The following CUL5 variants were observed in gnomAD, a reference collection of about 807,000 sequenced individuals.
CUL5 encodes cullin-5.
CUL5 carries 26 observed loss-of-function variants against 108.8 expected under a neutral mutation model. That is an observed-to-expected ratio of 0.24 (90% CI 0.18 to 0.33). The LOEUF (loss-of-function observed/expected upper bound fraction) is 0.33. Among genes scored for constraint, CUL5 ranks in the 10% least tolerant of loss-of-function variants. The pLI is 1.00. For missense variants in CUL5, 524 were observed against 909.2 expected (o/e 0.58, Z 5.45); for synonymous variants, 334 against 298.0 (o/e 1.12, Z -1.25).
rs370976806 is a variant in CUL5 at position 108,091,380 on chromosome 11, T to A, written c.1443+1757T>A. On this transcript the variant is annotated intron_variant, in intron 13 of 18. Coordinates refer to ENST00000393094, the MANE Select transcript of CUL5 (RefSeq NM_003478.6). ...TTATTTCTTTGTTAAAAAAAAAATA[T>A]CAAGACCCAACAGTAAAATGACAAA... Among the ~76,000 whole-genome samples, 307 of 149,736 alleles carry A rather than the reference T, an allele frequency of 2.1e-3. 1 individual carries two copies. The highest frequency in any genetic ancestry group is 7.2e-3 in the African/African-American group (296 of 41,020).
At chr11:108,079,158 C>T (rs1864008302) in intron 11 of CUL5, among the ~76,000 whole-genome samples, 2 of 152,110 alleles carry the variant, frequency 1.3e-5, no homozygotes, top group South Asian at 4.1e-4. Context: ...GGCTGGAGTG[C>T]AGTGGTACGA....
chr11:108,055,936 G>C (rs1863366914), intron 7 of CUL5, among the ~76,000 whole-genome samples: 1 of 152,044 alleles, frequency 6.6e-6, no homozygotes, highest in Non-Finnish European at 1.5e-5. Flanking sequence ...CGGCCACCTG[G>C]CTAATTTTTT....
chr11:108,091,415 G>A (rs953412252), intron 13 of CUL5, among the ~76,000 whole-genome samples: 16 of 152,084 alleles, frequency 1.1e-4, no homozygotes, highest in African/African-American at 3.9e-4. Flanking sequence ...ACAAGGCTAG[G>A]CATGGTGGCT....
chr11:108,056,342 AT>A (rs1863377244), intron 7 of CUL5, among the ~76,000 whole-genome samples: 1 of 151,550 alleles, frequency 6.6e-6, no homozygotes, highest in Non-Finnish European at 1.5e-5. Flanking sequence ...GGGATTTAAA[AT>A]TTTTTTTTAC....
chr11:108,107,237 TTTC>T lies in CUL5; in HGVS notation c.*2856_*2858del, dbSNP rs1864825144. 1 of 152,328 alleles carries T rather than the reference TTTC, an allele frequency of 6.6e-6. No homozygotes were observed. Among genetic ancestry groups the T allele is most frequent in the Non-Finnish European group, 1.5e-5 (1 of 68,022 alleles). The allele number at this position is 152,328 out of a possible 1,614,324, so 9.4% of individuals were successfully genotyped here. On this transcript the variant is annotated 3_prime_UTR_variant, in exon 19 of 19. Coordinates refer to ENST00000393094, the MANE Select transcript of CUL5 (RefSeq NM_003478.6). ...TTCCAAAAATGAAATGTTAGCTTTC[TTTC>T]TTTTACTTTTTATTAAATTTAATAG... is the stretch of plus-strand genomic sequence containing the variant.
chr11:108,039,076 A>G (rs1862821822), intron 2 of CUL5, among the ~76,000 whole-genome samples: 1 of 151,580 alleles, frequency 6.6e-6, no homozygotes, highest in Non-Finnish European at 1.5e-5. Context: ...GCTGGAGTGC[A>G]ATGGCGCAAT....
In CUL5 at chr11:108,009,288, A is replaced by C; in HGVS notation, c.-61A>C. 6.3e-7 allele frequency: 1 copy of C among 1,598,872 alleles called. No individual in the cohort carries two copies. Among genetic ancestry groups the C allele is most frequent in the Non-Finnish European group, 8.6e-7 (1 of 1,168,016 alleles). On this transcript the variant is annotated 5_prime_UTR_variant, in exon 1 of 19. Coordinates refer to ENST00000393094, the MANE Select transcript of CUL5 (RefSeq NM_003478.6). ...TGGTGGGAGCTCCGGCCTCCGGTCA[A>C]GGCCTGGCCGGGAGCGCCACGAATT... is the stretch of plus-strand genomic sequence containing the variant.
intron 1 of CUL5, among the ~76,000 whole-genome samples, chr11:108,028,485 T>A (rs776245969): frequency 1.3e-5 from 2 of 152,210 alleles, no homozygotes; most frequent in Non-Finnish European, 2.9e-5. Context: ...TTTTAACCCT[T>A]GCCCCTTATA....
chr11:108,068,969 TC>T, intron 7 of CUL5, among the ~76,000 whole-genome samples: 1 of 152,280 alleles, frequency 6.6e-6, no homozygotes, highest in Non-Finnish European at 1.5e-5. Flanking sequence ...GTTTAAAACT[TC>T]CTTGGGGCCA....
chr11:108,012,162 G>C (rs1344875927), intron 1 of CUL5, among the ~76,000 whole-genome samples: 1 of 152,144 alleles, frequency 6.6e-6, no homozygotes, highest in East Asian at 1.9e-4. Context: ...GTAGGGATCT[G>C]ATATTATAAT....
At chr11:108,053,300 C>T (rs1863283626) in intron 5 of CUL5, among the ~76,000 whole-genome samples, 1 of 152,176 alleles carries the variant, frequency 6.6e-6, no homozygotes, top group African/African-American at 2.4e-5. Flanking sequence ...AGTACCTGTG[C>T]CTCCTTGGCA....
intron 2 of CUL5, among the ~76,000 whole-genome samples, chr11:108,041,223 G>A (rs1862898471): frequency 6.6e-6 from 1 of 151,822 alleles, no homozygotes; most frequent in African/African-American, 2.4e-5. Context: ...TCCTTCACAG[G>A]TGTTCCCTTA....
chr11:108,040,527 G>C (rs1862870451), intron 2 of CUL5, among the ~76,000 whole-genome samples: 1 of 149,536 alleles, frequency 6.7e-6, no homozygotes, highest in Admixed American at 6.7e-5. Flanking sequence ...CACGAGAATT[G>C]CCTGAACTTG....
At chr11:108,041,502 C>T (rs1044962852) in intron 2 of CUL5, among the ~76,000 whole-genome samples, 1 of 151,996 alleles carries the variant, frequency 6.6e-6, no homozygotes, top group Non-Finnish European at 1.5e-5. Context: ...GTCGCGAACT[C>T]CTGACCTCAG....
At chr11:108,022,940 A>G (rs745894027) in intron 1 of CUL5, among the ~76,000 whole-genome samples, 2 of 152,140 alleles carry the variant, frequency 1.3e-5, no homozygotes, top group Non-Finnish European at 2.9e-5. Flanking sequence ...CCTTTCTTGG[A>G]TATACATATT....
intron 10 of CUL5, among the ~76,000 whole-genome samples, chr11:108,077,222 G>A (rs1406215555): frequency 6.6e-6 from 1 of 152,214 alleles, no homozygotes; most frequent in Non-Finnish European, 1.5e-5. Flanking sequence ...AATGTTATGT[G>A]CTAGAAGACA....
rs774038315 is a variant in CUL5 at position 108,078,260 on chromosome 11, A to G, written c.1178+20A>G. The stretch of plus-strand genomic sequence containing the variant: ...GAAGGGGTAAGTTTTTTAAAACCAT[A>G]CTTTAAAAATACTTAAATTTTCTTT... On this transcript the variant is annotated intron_variant, in intron 11 of 18. Transcript: ENST00000393094. 2.1e-6 allele frequency: 3 copies of G among 1,418,096 alleles called. No individual in the cohort carries two copies. In the Admixed American group the frequency reaches 5.8e-5, roughly 28 times the overall value. 87.8% of individuals were successfully genotyped at this position (1,418,096 alleles called of 1,614,324 possible).
intron 2 of CUL5, among the ~76,000 whole-genome samples, chr11:108,041,671 A>C (rs1396389535): frequency 6.6e-6 from 1 of 151,308 alleles, no homozygotes; most frequent in Non-Finnish European, 1.5e-5. Flanking sequence ...GCTCACTGCA[A>C]CCTCTGCCTC....
chr11:108,024,860 A>G (rs980921131), intron 1 of CUL5, among the ~76,000 whole-genome samples: 2 of 152,076 alleles, frequency 1.3e-5, no homozygotes, highest in African/African-American at 4.8e-5. Context: ...GCTAAATTCC[A>G]TCCTTCCATA....
Sources: allele counts gnomAD v4.1 joint callset (sites outside exome capture counted in the v4.1 genomes callset), GRCh38; gene constraint gnomAD v4.1.1; transcripts MANE v1.5; gene names NCBI Gene and HGNC (gene_info 2026-07-23, HGNC 2026-07-21).